BLTP3B: variants seen among roughly 807,000 people sequenced by gnomAD.
BLTP3B encodes bridge-like lipid transfer protein family member 3B, also known as UHRF1 (ICBP90) binding protein 1-like.
At chr12:100,096,069 T>G in the BLTP3B span, among the ~76,000 whole-genome samples, 1 of 151,956 alleles carries the variant, frequency 6.6e-6, no homozygotes, top group Non-Finnish European at 1.5e-5. Flanking sequence ...CTGGCCAACA[T>G]GGTAGAAACC....
At chr12:100,072,692 G>A in the BLTP3B span, 4 of 1,557,588 alleles carry the variant, frequency 2.6e-6, no homozygotes, top group African/African-American at 5.6e-5. Context: ...CTTTCCATCT[G>A]GATAGTAATA....
At chr12:100,128,366 T>C in the BLTP3B span, among the ~76,000 whole-genome samples, 2 of 151,756 alleles carry the variant, frequency 1.3e-5, no homozygotes, top group African/African-American at 4.8e-5. Flanking sequence ...GAAAAGACAC[T>C]GACTACAGGG....
At chr12:100,101,787 T>C in the BLTP3B span, among the ~76,000 whole-genome samples, 1 of 152,198 alleles carries the variant, frequency 6.6e-6, no homozygotes, top group African/African-American at 2.4e-5. Flanking sequence ...CCAAAAGGTC[T>C]GTAATTTAAG....
At chr12:100,071,289 G>A in the BLTP3B span, among the ~76,000 whole-genome samples, 6 of 152,160 alleles carry the variant, frequency 3.9e-5, no homozygotes, top group East Asian at 9.6e-4. Context: ...TTGAGGCCAG[G>A]AGTTAGAGAC....
chr12:100,120,813 G>C, the BLTP3B span, among the ~76,000 whole-genome samples: 2 of 152,014 alleles, frequency 1.3e-5, no homozygotes, highest in Non-Finnish European at 2.9e-5. Flanking sequence ...GAGAGAGAGA[G>C]AAAGGCCTAT....
the BLTP3B span, among the ~76,000 whole-genome samples, chr12:100,065,452 TA>T: frequency 6.6e-6 from 1 of 152,202 alleles, no homozygotes; most frequent in East Asian, 1.9e-4. Context: ...AAGATATCGC[TA>T]AATTCTTTTC....
At chr12:100,141,420 T>A in the BLTP3B span, among the ~76,000 whole-genome samples, 1 of 142,854 alleles carries the variant, frequency 7.0e-6, no homozygotes, top group African/African-American at 2.7e-5. Context: ...TATGTATATG[T>A]ATATATGTAC....
the BLTP3B span, among the ~76,000 whole-genome samples, chr12:100,084,125 G>T: frequency 6.6e-6 from 1 of 150,896 alleles, no homozygotes; most frequent in Non-Finnish European, 1.5e-5. Flanking sequence ...GGAAGCAGAG[G>T]TTGCAGTGAG....
chr12:100,134,023 A>G, the BLTP3B span, among the ~76,000 whole-genome samples: 1 of 152,226 alleles, frequency 6.6e-6, no homozygotes, highest in Non-Finnish European at 1.5e-5. Context: ...AAAAAAACAC[A>G]ATATACATAT....
chr12:100,115,628 G>A, the BLTP3B span, among the ~76,000 whole-genome samples: 1 of 151,956 alleles, frequency 6.6e-6, no homozygotes, highest in Non-Finnish European at 1.5e-5. Flanking sequence ...AAATTAGCTA[G>A]GCACGGTGGC....
chr12:100,142,822 C>T, the BLTP3B span: 2 of 756,048 alleles, frequency 2.6e-6, no homozygotes, highest in African/African-American at 1.9e-5. Context: ...CACGCTCAGG[C>T]CGCCACGGCC....
At chr12:100,062,989 A>C in the BLTP3B span, among the ~76,000 whole-genome samples, 1 of 151,858 alleles carries the variant, frequency 6.6e-6, no homozygotes, top group South Asian at 2.1e-4. Flanking sequence ...AAAAAAAAAA[A>C]CAGCTTAGAA....
the BLTP3B span, among the ~76,000 whole-genome samples, chr12:100,131,639 C>A: frequency 6.6e-6 from 1 of 152,162 alleles, no homozygotes; most frequent in African/African-American, 2.4e-5. Flanking sequence ...GTCTGAAAAA[C>A]CAAACAATAA....
At chr12:100,133,174 G>A in the BLTP3B span, among the ~76,000 whole-genome samples, 4 of 151,356 alleles carry the variant, frequency 2.6e-5, no homozygotes, top group African/African-American at 7.3e-5. Context: ...CCCGGGAGGC[G>A]GAGCTTGCAG....
chr12:100,135,093 A>G, the BLTP3B span, among the ~76,000 whole-genome samples: 1 of 152,124 alleles, frequency 6.6e-6, no homozygotes, highest in Non-Finnish European at 1.5e-5. Flanking sequence ...AAGGTCCCAC[A>G]TGATCTGGCC....
the BLTP3B span, among the ~76,000 whole-genome samples, chr12:100,054,598 G>A: frequency 6.6e-6 from 1 of 151,956 alleles, no homozygotes; most frequent in Admixed American, 6.6e-5. Context: ...TCATAAAGGG[G>A]GCACGGGGGA....
At chr12:100,081,775 T>A in the BLTP3B span, among the ~76,000 whole-genome samples, 1 of 152,236 alleles carries the variant, frequency 6.6e-6, no homozygotes, top group South Asian at 2.1e-4. Context: ...CATAGTACTC[T>A]GCGGTGTATA....
the BLTP3B span, chr12:100,039,905 ATAG>A: frequency 7.8e-3 from 7,055 of 901,506 alleles, 336 homozygotes; most frequent in African/African-American, 0.1. Flanking sequence ...AGTTATGAGG[ATAG>A]TAGTATGAGA....
the BLTP3B span, among the ~76,000 whole-genome samples, chr12:100,086,898 C>A: frequency 6.6e-6 from 1 of 152,134 alleles, no homozygotes; most frequent in Admixed American, 6.5e-5. Flanking sequence ...CGGTGGCTCA[C>A]GCCTGTCATC....
Sources: allele counts gnomAD v4.1 joint callset (sites outside exome capture counted in the v4.1 genomes callset), GRCh38; gene constraint gnomAD v4.1.1; transcripts MANE v1.5; gene names NCBI Gene and HGNC (gene_info 2026-07-23, HGNC 2026-07-21).